AFG2A: variants seen among roughly 807,000 people sequenced by gnomAD.
AFG2A encodes AAA ATPase AFG2A, also known as ATPase family gene 2 protein homolog A.
the AFG2A span, among the ~76,000 whole-genome samples, chr4:123,295,380 T>G: frequency 6.2e-4 from 94 of 152,358 alleles, no homozygotes; most frequent in African/African-American, 2.2e-3. Context: ...TTTGTCCTAC[T>G]TGCCTGTCTT....
chr4:122,973,262 C>G, the AFG2A span, among the ~76,000 whole-genome samples: 7 of 151,976 alleles, frequency 4.6e-5, no homozygotes, highest in African/African-American at 1.7e-4. Context: ...TCCTTTTATT[C>G]TTTTACTTTC....
the AFG2A span, chr4:122,934,479 C>T: frequency 1.2e-6 from 2 of 1,614,148 alleles, no homozygotes; most frequent in South Asian, 1.1e-5. Context: ...TTGAATCTGC[C>T]AGAGAAGGAA....
At chr4:123,129,062 A>T in the AFG2A span, among the ~76,000 whole-genome samples, 1 of 152,186 alleles carries the variant, frequency 6.6e-6, no homozygotes, top group Non-Finnish European at 1.5e-5. Context: ...GTGGGACATT[A>T]TCCTTCATAT....
At chr4:123,018,351 TTAGAC>T in the AFG2A span, among the ~76,000 whole-genome samples, 1 of 152,326 alleles carries the variant, frequency 6.6e-6, no homozygotes, top group South Asian at 2.1e-4. Context: ...TAAAAATAAT[TTAGAC>T]TATATTGTAG....
At chr4:123,304,587 CAG>C in the AFG2A span, among the ~76,000 whole-genome samples, 4 of 152,216 alleles carry the variant, frequency 2.6e-5, no homozygotes, top group African/African-American at 9.6e-5. Context: ...GTGTTCCAGA[CAG>C]AAGATGCTTT....
the AFG2A span, among the ~76,000 whole-genome samples, chr4:123,045,552 G>A: frequency 2.6e-5 from 4 of 152,244 alleles, no homozygotes; most frequent in East Asian, 7.7e-4. Flanking sequence ...TTACAGGGTA[G>A]TTATTGTGAA....
At chr4:123,138,783 G>A in the AFG2A span, among the ~76,000 whole-genome samples, 8 of 151,816 alleles carry the variant, frequency 5.3e-5, no homozygotes, top group Admixed American at 2.0e-4. Context: ...GCCTACAACC[G>A]ACAGACTGGG....
the AFG2A span, among the ~76,000 whole-genome samples, chr4:123,174,239 TA>T: frequency 6.6e-6 from 1 of 152,216 alleles, no homozygotes; most frequent in Non-Finnish European, 1.5e-5. Flanking sequence ...TTACAAAAAG[TA>T]TAATGCATTT....
chr4:123,135,450 A>G, the AFG2A span, among the ~76,000 whole-genome samples: 1 of 152,238 alleles, frequency 6.6e-6, no homozygotes, highest in Admixed American at 6.5e-5. Context: ...GCATCCTAAT[A>G]GGAAAGGATG....
At chr4:123,016,588 A>G in the AFG2A span, among the ~76,000 whole-genome samples, 2 of 144,878 alleles carry the variant, frequency 1.4e-5, no homozygotes, top group Non-Finnish European at 3.0e-5. Context: ...GGTGCTCCTC[A>G]CTTCCTAGAT....
At chr4:123,017,552 G>T in the AFG2A span, among the ~76,000 whole-genome samples, 1 of 149,764 alleles carries the variant, frequency 6.7e-6, no homozygotes, top group South Asian at 2.1e-4. Flanking sequence ...CTGTATTAAA[G>T]AAGCATTTGG....
the AFG2A span, among the ~76,000 whole-genome samples, chr4:123,002,586 A>T: frequency 1.3e-5 from 2 of 152,198 alleles, no homozygotes; most frequent in East Asian, 3.9e-4. Context: ...CTGGATATGA[A>T]ATTCTGGGTT....
chr4:123,082,910 T>C, the AFG2A span, among the ~76,000 whole-genome samples: 1 of 152,164 alleles, frequency 6.6e-6, no homozygotes, highest in Non-Finnish European at 1.5e-5. Context: ...TAACTCATTT[T>C]TTTGGGGTGC....
At chr4:123,012,531 C>A in the AFG2A span, among the ~76,000 whole-genome samples, 9 of 152,022 alleles carry the variant, frequency 5.9e-5, no homozygotes, top group African/African-American at 2.2e-4. Context: ...GGCGTCCCTG[C>A]GGTGATCAGA....
At chr4:123,274,433 A>T in the AFG2A span, among the ~76,000 whole-genome samples, 3 of 151,902 alleles carry the variant, frequency 2.0e-5, no homozygotes, top group Non-Finnish European at 4.4e-5. Context: ...ATTGACTCTT[A>T]ACCATAATAA....
the AFG2A span, among the ~76,000 whole-genome samples, chr4:122,951,760 C>T: frequency 2.6e-5 from 4 of 152,162 alleles, no homozygotes; most frequent in Non-Finnish European, 5.9e-5. Context: ...GATGGCTATG[C>T]CTGCTCAAGT....
the AFG2A span, chr4:123,057,424 G>C: frequency 1.2e-6 from 1 of 861,316 alleles, no homozygotes; most frequent in Non-Finnish European, 1.7e-6. Context: ...TTCAGTTTTT[G>C]TAATTTTTTC....
chr4:123,193,047 C>T, the AFG2A span, among the ~76,000 whole-genome samples: 1 of 152,108 alleles, frequency 6.6e-6, no homozygotes, highest in Admixed American at 6.5e-5. Flanking sequence ...GGCTTTAATT[C>T]TTCTGAGAAT....
At chr4:123,187,423 G>A in the AFG2A span, among the ~76,000 whole-genome samples, 114 of 152,222 alleles carry the variant, frequency 7.5e-4, no homozygotes, top group African/African-American at 2.7e-3. Flanking sequence ...AGTTGTTATC[G>A]CTGAATTCTA....
Sources: gnomAD v4.1 joint callset for allele counts (sites outside exome capture counted in the v4.1 genomes callset) on GRCh38, gnomAD v4.1.1 for gene constraint, MANE v1.5 for transcripts, NCBI Gene and HGNC (gene_info 2026-07-23, HGNC 2026-07-21) for gene names.